SUFU: variants seen among roughly 807,000 people sequenced by gnomAD.
The protein encoded by SUFU is suppressor of fused homolog.
SUFU carries 7 observed loss-of-function variants against 58.9 expected under a neutral mutation model. The observed-to-expected ratio is 0.12, with a 90% CI of 0.07 to 0.22. The LOEUF (loss-of-function observed/expected upper bound fraction) is 0.22, where lower values mean the gene tolerates loss of function less well. SUFU is among the 10% of genes least tolerant of loss of function. The pLI is 1.00. For missense variants in SUFU, 451 were observed against 641.3 expected, an observed-to-expected ratio of 0.70 and a Z score of 3.20; for synonymous variants, 232 against 254.8, an observed-to-expected ratio of 0.91 and a Z score of 0.85.
intron 2 of SUFU, among the ~76,000 whole-genome samples, chr10:102,546,143 T>A (rs1564674870): frequency 2.0e-5 from 3 of 152,174 alleles, no homozygotes; most frequent in Non-Finnish European, 4.4e-5. Context: ...TGTGTTCTTG[T>A]CTTTGGTTTG....
chr10:102,627,545 A>G (rs1282238012), intron 11 of SUFU, among the ~76,000 whole-genome samples: 1 of 152,232 alleles, frequency 6.6e-6, no homozygotes, highest in Non-Finnish European at 1.5e-5. Context: ...ATTGAAGAGG[A>G]AGCCAGGGCC....
Position 102,534,496 on chromosome 10 carries a change from C to T in SUFU, c.318-15474C>T, listed in dbSNP as rs550345269. On this transcript the variant is annotated intron_variant, in intron 2 of 11. Transcript: ENST00000369902. The stretch of plus-strand genomic sequence containing the variant: ...CCTAGGAAGTCCCCTAGGGGACAGG[C>T]GGAGGCCACGCAAGGGGAAATGTTC... Among the ~76,000 whole-genome samples, 7 of 152,306 alleles carry T rather than the reference C, an allele frequency of 4.6e-5. No homozygotes were observed. The South Asian group carries it at 1.5e-3, about 32-fold the overall frequency.
intron 2 of SUFU, among the ~76,000 whole-genome samples, chr10:102,549,543 G>A (rs1050836387): frequency 1.3e-5 from 2 of 152,206 alleles, no homozygotes; most frequent in African/African-American, 2.4e-5. Context: ...CCATATCACA[G>A]AGCATATAGC....
At chr10:102,555,132 G>A (rs556652564) in intron 3 of SUFU, among the ~76,000 whole-genome samples, 44 of 152,168 alleles carry the variant, frequency 2.9e-4, no homozygotes, top group Non-Finnish European at 5.9e-4. Flanking sequence ...GCCGGACGTG[G>A]TGGTGGGCGC....
In SUFU at chr10:102,619,950, G is replaced by A. The variant is rs2063726112; in HGVS notation, c.1296+2522G>A. On this transcript the variant is annotated intron_variant, in intron 10 of 11. Transcript: ENST00000369902. This position sits in a 1 kb window ranked among gnomAD's most constrained non-coding sequence, Gnocchi z 4.2. ...ATAGGTCCCTCAGGAGGGGACCCCA[G>A]CACAAAGAGGCCCACCCTTGCTCCC... Among the ~76,000 whole-genome samples the A allele has an allele frequency of 6.6e-6, 1 of 152,144 alleles. No homozygotes were observed. The highest frequency in any genetic ancestry group is 1.5e-5 in the Non-Finnish European group (1 of 68,018).
intron 2 of SUFU, among the ~76,000 whole-genome samples, chr10:102,522,210 T>C (rs971052115): frequency 1.3e-5 from 2 of 152,208 alleles, no homozygotes; most frequent in African/African-American, 4.8e-5. Context: ...ATTAACGATA[T>C]TCCCATTTTT....
chr10:102,519,444 T>G (rs951664934), intron 2 of SUFU, among the ~76,000 whole-genome samples: 2 of 150,716 alleles, frequency 1.3e-5, no homozygotes, highest in Non-Finnish European at 2.9e-5. Context: ...GGAGAATGGC[T>G]TGAACCCACG....
At chr10:102,573,878 G>A (rs2063187218) in intron 3 of SUFU, among the ~76,000 whole-genome samples, 1 of 152,022 alleles carries the variant, frequency 6.6e-6, no homozygotes, top group South Asian at 2.1e-4. Context: ...AGTTGGGGAA[G>A]ATGAAAAAAA....
At chr10:102,568,923 C>CACAT (rs1314898205) in intron 3 of SUFU, among the ~76,000 whole-genome samples, 6 of 39,094 alleles carry the variant, frequency 1.5e-4, no homozygotes, top group African/African-American at 5.3e-4. Context: ...TATATATACA[C>CACAT]ATATATATAT....
intron 2 of SUFU, among the ~76,000 whole-genome samples, chr10:102,516,054 G>C (rs979128856): frequency 6.6e-6 from 1 of 151,788 alleles, no homozygotes; most frequent in Non-Finnish European, 1.5e-5. Context: ...TGGAGTTCAG[G>C]CCCCAAATCT....
Position 102,619,113 on chromosome 10 carries a change from T to G in SUFU, c.1296+1685T>G, listed in dbSNP as rs762309932. On this transcript the variant is annotated intron_variant, in intron 10 of 11. Coordinates refer to ENST00000369902, the MANE Select transcript of SUFU (RefSeq NM_016169.4). The surrounding 1 kb of genome is among the most constrained non-coding windows in gnomAD (Gnocchi z 4.2). ...CTGCCCTCCCGTCCTGGAACGTCTT[T>G]CTGCCCTGAGGAGAGGGTAGTCAGC... 3 of 1,612,786 alleles carry G rather than the reference T, an allele frequency of 1.9e-6. No homozygotes were observed. The South Asian group carries it at 3.3e-5, about 18-fold the overall frequency.
At position 102,619,851 on chromosome 10, in the gene SUFU, G is replaced by T. The variant is rs2063725118; in HGVS notation, c.1296+2423G>T. On this transcript the variant is annotated intron_variant, in intron 10 of 11. Transcript: ENST00000369902. The surrounding 1 kb of genome is among the most constrained non-coding windows in gnomAD (Gnocchi z 4.2). Reference sequence around the variant, plus strand: ...GGGCTGGCTGTCTCCCTGGGAGTCTGCAGGACCTCCTAGAGGCCTGGGGTT... The same window carrying T: ...GGGCTGGCTGTCTCCCTGGGAGTCTTCAGGACCTCCTAGAGGCCTGGGGTT... Among the ~76,000 whole-genome samples, 1 of 152,142 alleles carries T rather than the reference G, an allele frequency of 6.6e-6. No homozygotes were observed. Among genetic ancestry groups the T allele is most frequent in the African/African-American group, 2.4e-5 (1 of 41,430 alleles).
chr10:102,624,673 C>T (rs1037690890), intron 10 of SUFU, among the ~76,000 whole-genome samples: 2 of 152,158 alleles, frequency 1.3e-5, no homozygotes, highest in Non-Finnish European at 2.9e-5. Flanking sequence ...CAGATGGTGC[C>T]GCGCATGGTC....
At chr10:102,503,957 G>A (rs984738138), upstream of SUFU, 4 of 730,190 alleles carry the variant, frequency 5.5e-6, no homozygotes, top group East Asian at 1.0e-4. Flanking sequence ...CCGCCGCCCC[G>A]AGGCACCCTC....
At chr10:102,548,743 C>T (rs888136890) in intron 2 of SUFU, among the ~76,000 whole-genome samples, 1 of 152,190 alleles carries the variant, frequency 6.6e-6, no homozygotes, top group African/African-American at 2.4e-5. Context: ...CTCTGATCCA[C>T]ATCACTGCCC....
At chr10:102,517,825 A>T (rs2062491493) in intron 2 of SUFU, among the ~76,000 whole-genome samples, 1 of 152,174 alleles carries the variant, frequency 6.6e-6, no homozygotes, top group African/African-American at 2.4e-5. Context: ...AGCTCTTGAG[A>T]ACCAGGCTGT....
chr10:102,552,824 G>A (rs1439119753), intron 3 of SUFU, among the ~76,000 whole-genome samples: 1 of 152,356 alleles, frequency 6.6e-6, no homozygotes, highest in Non-Finnish European at 1.5e-5. Flanking sequence ...ATGAAGAGAA[G>A]CTAAAGCAAA....
intron 9 of SUFU, among the ~76,000 whole-genome samples, chr10:102,615,865 CTTGT>C (rs2063681619): frequency 6.6e-6 from 1 of 152,158 alleles, no homozygotes; most frequent in Admixed American, 6.5e-5. Context: ...TCTCCTATTG[CTTGT>C]TTGACAGACC....
chr10:102,557,485 C>T (rs2062993585), intron 3 of SUFU, among the ~76,000 whole-genome samples: 1 of 152,000 alleles, frequency 6.6e-6, no homozygotes, highest in Non-Finnish European at 1.5e-5. Flanking sequence ...CCCAGCTATT[C>T]AGGAGGCTGA....
Sources: allele counts gnomAD v4.1 joint callset (sites outside exome capture counted in the v4.1 genomes callset), GRCh38; gene constraint gnomAD v4.1.1; non-coding constraint Gnocchi (gnomAD v3.1); transcripts MANE v1.5; gene names NCBI Gene and HGNC (gene_info 2026-07-23, HGNC 2026-07-21).